GPC6: variants seen among roughly 807,000 people sequenced by gnomAD.
GPC6 encodes the protein glypican-6.
In GPC6, 14 loss-of-function variants were observed where a neutral mutation model predicts 55.2. The ratio of observed to expected loss-of-function variants is 0.25; its 90% CI spans 0.17 to 0.40. GPC6 has a LOEUF of 0.40. Among genes scored for constraint, GPC6 ranks in the 10% least tolerant of loss-of-function variants. The pLI is 1.00. For missense variants in GPC6, 641 were observed against 708.5 expected (o/e 0.90, Z 1.08); for synonymous variants, 278 against 259.6 (o/e 1.07, Z -0.68).
chr13:94,026,285 A>AG (rs1346776702), intron 3 of GPC6, among the ~76,000 whole-genome samples: 1 of 152,186 alleles, frequency 6.6e-6, no homozygotes, highest in Non-Finnish European at 1.5e-5. Context: ...AATTGATCCT[A>AG]GGTAAGGGAT....
At chr13:94,147,769 A>G (rs1264718087) in intron 4 of GPC6, among the ~76,000 whole-genome samples, 1 of 152,114 alleles carries the variant, frequency 6.6e-6, no homozygotes, top group East Asian at 1.9e-4. Context: ...GAGCCCTTCC[A>G]CATGTGTTCT....
chr13:93,547,174 C>CA (rs55697128), intron 2 of GPC6, among the ~76,000 whole-genome samples: 160 of 129,080 alleles, frequency 1.2e-3, no homozygotes, highest in East Asian at 2.7e-3. Flanking sequence ...ACTAAAAATA[C>CA]AAAAAAAAAA....
At chr13:93,904,708 C>T (rs930224172) in intron 3 of GPC6, among the ~76,000 whole-genome samples, 3 of 152,006 alleles carry the variant, frequency 2.0e-5, no homozygotes, top group African/African-American at 7.3e-5. Flanking sequence ...TGCACTCCAG[C>T]CTGGGTGACA....
chr13:94,328,209 G>A (rs1877223712), intron 6 of GPC6, among the ~76,000 whole-genome samples: 1 of 152,134 alleles, frequency 6.6e-6, no homozygotes, highest in Non-Finnish European at 1.5e-5. Flanking sequence ...GGGGTACAGG[G>A]GACAGCAAAT....
At chr13:93,403,712 G>A (rs1033981471) in intron 1 of GPC6, among the ~76,000 whole-genome samples, 4 of 152,134 alleles carry the variant, frequency 2.6e-5, no homozygotes, top group Admixed American at 1.3e-4. Context: ...AGCTTGGCTC[G>A]CTCATGCCTC....
chr13:93,896,152 A>C (rs1278356602), intron 3 of GPC6, among the ~76,000 whole-genome samples: 3 of 152,060 alleles, frequency 2.0e-5, no homozygotes, highest in Non-Finnish European at 4.4e-5. Context: ...CATCACATGT[A>C]CCCCGATAAA....
intron 3 of GPC6, among the ~76,000 whole-genome samples, chr13:93,929,040 G>A (rs937339473): frequency 6.6e-6 from 1 of 152,198 alleles, no homozygotes; most frequent in Admixed American, 6.5e-5. Flanking sequence ...AAAACACTGT[G>A]TTCTGTGGAG....
At chr13:93,461,837 T>C (rs1004598619) in intron 1 of GPC6, among the ~76,000 whole-genome samples, 1 of 152,216 alleles carries the variant, frequency 6.6e-6, no homozygotes, top group Admixed American at 6.5e-5. Flanking sequence ...AAAAATCTCT[T>C]CTTTGCATTT....
intron 4 of GPC6, among the ~76,000 whole-genome samples, chr13:94,185,258 GAA>G (rs759584811): frequency 6.7e-4 from 38 of 56,494 alleles, no homozygotes; most frequent in African/African-American, 2.4e-3. Context: ...AATAAAAGTT[GAA>G]AAAAAAAAAA....
chr13:93,473,203 G>T (rs1011340547), intron 1 of GPC6, among the ~76,000 whole-genome samples: 7 of 152,208 alleles, frequency 4.6e-5, no homozygotes, highest in Non-Finnish European at 7.3e-5. Flanking sequence ...GAGCCTGTCT[G>T]CCTCCTGCTG....
chr13:94,187,582 A>G (rs1021914172), intron 4 of GPC6, among the ~76,000 whole-genome samples: 11 of 152,208 alleles, frequency 7.2e-5, no homozygotes, highest in Middle Eastern at 3.2e-3. Context: ...TTCAAACATA[A>G]GAGTTGATCT....
chr13:93,486,818 G>C (rs183294766), intron 1 of GPC6, among the ~76,000 whole-genome samples: 1 of 151,842 alleles, frequency 6.6e-6, no homozygotes, highest in Non-Finnish European at 1.5e-5. Context: ...GGTGGCATGC[G>C]CCTGTAATCC....
At position 93,669,717 on chromosome 13, in the gene GPC6, G is replaced by A. The variant is rs192901965; in HGVS notation, c.319+124296G>A. Among the ~76,000 whole-genome samples the A allele has an allele frequency of 6.1e-4, 93 of 152,242 alleles. 1 individual carries two copies. The Middle Eastern group carries it at 0.014, about 22-fold the overall frequency. ...GAAAGGACATTTCCTAAGATCCAAG[G>A]AAGGAAGAGCAAGCAAGAAGTCATT... On this transcript the variant is annotated intron_variant, in intron 2 of 8. Coordinates refer to ENST00000377047, the MANE Select transcript of GPC6 (RefSeq NM_005708.5).
At chr13:93,233,185 A>G (rs1876119462) in intron 1 of GPC6, among the ~76,000 whole-genome samples, 1 of 152,174 alleles carries the variant, frequency 6.6e-6, no homozygotes, top group African/African-American at 2.4e-5. Context: ...TGAAAGTACT[A>G]TTGACTCCCT....
chr13:93,826,714 G>T (rs754597167), intron 2 of GPC6, among the ~76,000 whole-genome samples: 1 of 151,930 alleles, frequency 6.6e-6, no homozygotes, highest in Non-Finnish European at 1.5e-5. Flanking sequence ...CCCTTGTCCC[G>T]GTGTGCCATC....
intron 6 of GPC6, among the ~76,000 whole-genome samples, chr13:94,335,767 C>G (rs1453350057): frequency 6.6e-6 from 1 of 152,138 alleles, no homozygotes; most frequent in African/African-American, 2.4e-5. Flanking sequence ...AATCAACTAT[C>G]TTATAGAGAC....
At chr13:94,103,689 G>A in intron 4 of GPC6, among the ~76,000 whole-genome samples, 1 of 152,124 alleles carries the variant, frequency 6.6e-6, no homozygotes, top group Non-Finnish European at 1.5e-5. Context: ...GTCTTCTTTT[G>A]AGAAGTGTCT....
chr13:94,393,782 TGA>T (rs1254061505), intron 7 of GPC6, among the ~76,000 whole-genome samples: 1 of 152,144 alleles, frequency 6.6e-6, no homozygotes, highest in African/African-American at 2.4e-5. Context: ...CATTAAATCT[TGA>T]GAGTCATGTG....
chr13:93,995,631 TC>T (rs1203632871), intron 3 of GPC6, among the ~76,000 whole-genome samples: 1 of 152,228 alleles, frequency 6.6e-6, no homozygotes, highest in Non-Finnish European at 1.5e-5. Context: ...AACTTAAACT[TC>T]AGTAATGGTA....
Sources: gnomAD v4.1 joint callset for allele counts (sites outside exome capture counted in the v4.1 genomes callset) on GRCh38, gnomAD v4.1.1 for gene constraint, MANE v1.5 for transcripts, NCBI Gene and HGNC (gene_info 2026-07-23, HGNC 2026-07-21) for gene names.